Variants in GRIA2 observed in about 807,000 individuals in gnomAD.
GRIA2 encodes glutamate ionotropic receptor AMPA type subunit 2.
A neutral mutation model predicts 97.3 loss-of-function variants in GRIA2; 14 were observed. That is an observed-to-expected ratio of 0.14 (90% confidence interval 0.10 to 0.23). GRIA2 has a LOEUF of 0.23. Ranked by LOEUF, GRIA2 falls within the 10% of genes least tolerant of loss-of-function variation. The probability of loss-of-function intolerance (pLI) is 1.00; values close to 1 mark genes in which losing one functional copy is unlikely to be tolerated. For synonymous variants in GRIA2, 412 were observed against 387.8 expected, an observed-to-expected ratio of 1.06 and a Z score of -0.73; for missense variants, 558 against 1,069.8, an observed-to-expected ratio of 0.52 and a Z score of 6.67.
chr4:157,259,306 C>A (rs1182555453), intron 2 of GRIA2, among the ~76,000 whole-genome samples: 3 of 152,066 alleles, frequency 2.0e-5, no homozygotes, highest in Non-Finnish European at 4.4e-5. Context: ...AATTATGGAG[C>A]TTCAAAATAT....
At chr4:157,287,021 A>C (rs1200201689) in intron 2 of GRIA2, among the ~76,000 whole-genome samples, 1 of 151,566 alleles carries the variant, frequency 6.6e-6, no homozygotes, top group Non-Finnish European at 1.5e-5. Context: ...TTCTCTTTAA[A>C]TTACTGTCTC....
rs143535048 is a variant in GRIA2, at chr4:157,234,247, T to C, written c.229+12440T>C. Among the ~76,000 whole-genome samples the C allele has an allele frequency of 1.8e-3, 270 of 152,156 alleles. 2 individuals carry two copies. Among genetic ancestry groups the C allele is most frequent in the African/African-American group, 6.3e-3 (261 of 41,534 alleles). ...AGTGATTCCAATTCCCCTGAGTATA[T>C]ATTGGTCAGATATACTTAGCTCCGT... On this transcript the variant is annotated intron_variant, in intron 2 of 15. Transcript: ENST00000264426.
intron 12 of GRIA2, among the ~76,000 whole-genome samples, chr4:157,353,684 AAAAC>A (rs530568509): frequency 4.6e-4 from 70 of 152,188 alleles, no homozygotes; most frequent in East Asian, 1.9e-3. Flanking sequence ...CTCCGTCTCA[AAAAC>A]AAACAAACAA....
In GRIA2 at chr4:157,303,715, C is replaced by T. The variant is rs1733716576; in HGVS notation, c.393C>T (p.Asp131=). The change falls in exon 3 of 16, where the codon GAC becomes GAT. Residue 131 remains aspartate, a synonymous_variant. Transcript: ENST00000264426. ...THPFVIQMRP[D]LKGALLSLIE... ...CATTTGTCATTCAGATGAGACCCGA[C>T]CTCAAAGGAGCTCTCCTTAGCTTGA... 6.2e-7 allele frequency: 1 copy of T among 1,613,846 alleles called. No homozygotes were observed. The highest frequency in any genetic ancestry group is 8.5e-7 in the Non-Finnish European group (1 of 1,179,872).
chr4:157,232,764 A>G (rs1730078830), intron 2 of GRIA2, among the ~76,000 whole-genome samples: 1 of 152,174 alleles, frequency 6.6e-6, no homozygotes, highest in Non-Finnish European at 1.5e-5. Context: ...ATCTGCGAAG[A>G]TTAAAAAAAA....
At chr4:157,306,345 C>G (rs534493691) in intron 3 of GRIA2, among the ~76,000 whole-genome samples, 1 of 151,996 alleles carries the variant, frequency 6.6e-6, no homozygotes, top group Non-Finnish European at 1.5e-5. Context: ...GATGGACTTA[C>G]GTACTTGTGA....
intron 2 of GRIA2, among the ~76,000 whole-genome samples, chr4:157,255,175 T>C (rs758746593): frequency 6.6e-6 from 1 of 151,982 alleles, no homozygotes; most frequent in Non-Finnish European, 1.5e-5. Context: ...TATTTGACTT[T>C]CTGTTTCTGA....
At chr4:157,239,623 A>C (rs1730412113) in intron 2 of GRIA2, among the ~76,000 whole-genome samples, 1 of 151,952 alleles carries the variant, frequency 6.6e-6, no homozygotes, top group African/African-American at 2.4e-5. Context: ...TTATGAATTG[A>C]TGACATTCGT....
intron 13 of GRIA2, among the ~76,000 whole-genome samples, chr4:157,360,484 C>T (rs540660445): frequency 7.2e-5 from 11 of 152,120 alleles, no homozygotes; most frequent in African/African-American, 2.2e-4. Flanking sequence ...AGTCTACCAG[C>T]CTGCTTACAA....
chr4:157,241,319 T>C (rs1730500938), intron 2 of GRIA2, among the ~76,000 whole-genome samples: 1 of 152,142 alleles, frequency 6.6e-6, no homozygotes, highest in Non-Finnish European at 1.5e-5. Context: ...ATTTATTATT[T>C]GCTTTTTGGC....
chr4:157,220,652 ATGTGTGTG>A (rs60010721), upstream of GRIA2: 238 of 186,510 alleles, frequency 1.3e-3, 1 homozygote, highest in East Asian at 0.023. Context: ...GCGTGTGTGT[ATGTGTGTG>A]TGTGTGTGTG....
At chr4:157,273,809 T>A (rs1732148511) in intron 2 of GRIA2, among the ~76,000 whole-genome samples, 1 of 151,928 alleles carries the variant, frequency 6.6e-6, no homozygotes, top group Admixed American at 6.6e-5. Flanking sequence ...AGAACAGAAC[T>A]AATAATGACT....
intron 2 of GRIA2, among the ~76,000 whole-genome samples, chr4:157,278,650 G>A (rs956446119): frequency 6.6e-6 from 1 of 151,942 alleles, no homozygotes; most frequent in African/African-American, 2.4e-5. Flanking sequence ...CTTCTGCTCT[G>A]TGAGATGCAG....
At chr4:157,292,517 G>T (rs1733151502) in intron 2 of GRIA2, among the ~76,000 whole-genome samples, 1 of 151,948 alleles carries the variant, frequency 6.6e-6, no homozygotes, top group South Asian at 2.1e-4. Flanking sequence ...TCAAATGAAG[G>T]ATCGAGAATT....
intron 2 of GRIA2, among the ~76,000 whole-genome samples, chr4:157,277,722 T>C (rs1732388279): frequency 6.6e-6 from 1 of 150,802 alleles, no homozygotes; most frequent in Non-Finnish European, 1.5e-5. Flanking sequence ...TGCTTTTCTA[T>C]ACAACAACAT....
chr4:157,240,531 T>A (rs2126715200), intron 2 of GRIA2, among the ~76,000 whole-genome samples: 1 of 152,010 alleles, frequency 6.6e-6, no homozygotes, highest in East Asian at 1.9e-4. Flanking sequence ...CCCACTGGAG[T>A]TTTCTGTCTT....
At chr4:157,283,976 G>C (rs542458083) in intron 2 of GRIA2, among the ~76,000 whole-genome samples, 2 of 152,012 alleles carry the variant, frequency 1.3e-5, no homozygotes, top group African/African-American at 4.8e-5. Context: ...GATAATGTTA[G>C]AGAGGTTTTT....
intron 2 of GRIA2, among the ~76,000 whole-genome samples, chr4:157,303,051 C>T (rs1278014955): frequency 4.6e-5 from 7 of 152,044 alleles, no homozygotes; most frequent in African/African-American, 7.2e-5. Flanking sequence ...CTGTATTTAT[C>T]GGGGAGTCTG....
intron 2 of GRIA2, among the ~76,000 whole-genome samples, chr4:157,233,435 T>C (rs1157658003): frequency 2.0e-5 from 3 of 152,178 alleles, no homozygotes. Flanking sequence ...CCTAATGTTT[T>C]ATTTTATGTA....
Sources: allele counts gnomAD v4.1 joint callset (sites outside exome capture counted in the v4.1 genomes callset), GRCh38; gene constraint gnomAD v4.1.1; transcripts MANE v1.5; gene names NCBI Gene and HGNC (gene_info 2026-07-23, HGNC 2026-07-21).